Variants in SCAP observed in about 807,000 individuals in gnomAD.
The protein encoded by SCAP is SREBF chaperone.
SCAP carries 65 observed loss-of-function variants against 123.6 expected under a neutral mutation model. The observed-to-expected ratio is 0.53, with a 90% confidence interval of 0.43 to 0.65. The LOEUF is 0.65. Ranked by LOEUF, SCAP falls within the 30% of genes least tolerant of loss-of-function variation. The pLI, the probability that SCAP is intolerant of heterozygous loss-of-function variation, is 0.00. For synonymous variants in SCAP, 740 were observed against 726.3 expected, an observed-to-expected ratio of 1.02 and a Z score of -0.30; for missense variants, 1,398 against 1,712.5, an observed-to-expected ratio of 0.82 and a Z score of 3.24.
intron 3 of SCAP, among the ~76,000 whole-genome samples, chr3:47,432,668 T>A (rs1347680003): frequency 2.0e-5 from 3 of 152,152 alleles, no homozygotes; most frequent in African/African-American, 4.8e-5. Flanking sequence ...TTCCCTTTTT[T>A]AAAATTTATT....
At chr3:47,441,790 A>G (rs1470314165) in intron 2 of SCAP, among the ~76,000 whole-genome samples, 2 of 152,040 alleles carry the variant, frequency 1.3e-5, no homozygotes, top group Admixed American at 6.6e-5. Flanking sequence ...TGTTAAATGG[A>G]AACATAACTG....
intron 5 of SCAP, 73 bp downstream of exon 5, chr3:47,427,374 C>G (rs1706180391): frequency 6.4e-7 from 1 of 1,567,832 alleles, no homozygotes; most frequent in Non-Finnish European, 8.8e-7. Context: ...CCTGATCTGC[C>G]TAAGCACACA....
At chr3:47,454,296 G>A (rs1346384676) in intron 1 of SCAP, among the ~76,000 whole-genome samples, 1 of 151,606 alleles carries the variant, frequency 6.6e-6, no homozygotes, top group Non-Finnish European at 1.5e-5. Context: ...GAACCCCGGG[G>A]GACGGAGCCT....
chr3:47,426,088 G>A lies in SCAP; in HGVS notation c.819C>T (p.His273=), dbSNP rs757837801. 15 of 1,613,988 alleles carry A rather than the reference G, an allele frequency of 9.3e-6. No homozygotes were observed. Among genetic ancestry groups the A allele is most frequent in the South Asian group, 7.7e-5 (7 of 91,090 alleles). ...CACCAATCTCCTCCTTGAAGTGCAC[G>A]TGGACCAGGCTCTCCGCCCGAAGGC... ...NCSLRAESLV[H]VHFKEEIGVA... is the part of the protein sequence containing the mutation. The change falls in exon 7 of 23, where the codon CAC becomes CAT. Residue 273 remains histidine (H), a synonymous_variant. Transcript: ENST00000265565.
chr3:47,417,176 C>CA lies in SCAP; in HGVS notation c.3001dup (p.Cys1001LeufsTer30). The CA allele has an allele frequency of 6.2e-7, 1 of 1,613,068 alleles. No individual in the cohort carries two copies. Among genetic ancestry groups the CA allele is most frequent in the African/African-American group, 1.3e-5 (1 of 75,068 alleles). ...GCCTGAGGAGACCTCCTCGCTGCTG[C>CA]AGCACAGCACCCCTTCAATGGCGTC... On this transcript the variant is annotated frameshift_variant, in exon 18 of 23. Coordinates refer to ENST00000265565, the MANE Select transcript of SCAP (RefSeq NM_012235.4). LOFTEE classifies it high-confidence loss of function.
Position 47,417,661 on chromosome 3 carries a change from AGG to A in SCAP, c.2611_2612del (p.Pro871Ter). 1 of 1,609,104 alleles carries A rather than the reference AGG, an allele frequency of 6.2e-7. No individual in the cohort carries two copies. The highest frequency in any genetic ancestry group is 8.5e-7 in the Non-Finnish European group (1 of 1,178,680). On this transcript the variant is annotated frameshift_variant, in exon 17 of 23. Transcript: ENST00000265565. LOFTEE classifies it high-confidence loss of function. ...TGGTGTCAATTAAGCAGGTGAGGTCAGGCTGGTCCCCGAAGAGGGAAGGCGGC... is the reference window on the plus strand; with the variant it reads ...TGGTGTCAATTAAGCAGGTGAGGTCACTGGTCCCCGAAGAGGGAAGGCGGC... ...PPPPSLFGDQ[P>X]DLTCLIDTNF... is the part of the protein sequence containing the mutation.
chr3:47,454,688 C>T lies in SCAP; in HGVS notation c.-98-11597G>A, dbSNP rs150646187. ...GCTTGAACCCAGGAGGCAGAAGTTACAGTGAGCCAAGATTGTGCCACTGCA... is the reference window on the plus strand; with the variant it reads ...GCTTGAACCCAGGAGGCAGAAGTTATAGTGAGCCAAGATTGTGCCACTGCA... On this transcript the variant is annotated intron_variant, in intron 1 of 22. Coordinates refer to ENST00000265565, the MANE Select transcript of SCAP (RefSeq NM_012235.4). 6.5e-4 allele frequency among the ~76,000 whole-genome samples: 99 copies of T among 152,200 alleles called. No individual in the cohort carries two copies. In the East Asian group the frequency reaches 0.014, roughly 21 times the overall value.
intron 1 of SCAP, among the ~76,000 whole-genome samples, chr3:47,454,163 T>A (rs1049090791): frequency 6.6e-6 from 1 of 151,954 alleles, no homozygotes; most frequent in African/African-American, 2.4e-5. Flanking sequence ...GTCAGGAGAT[T>A]GAGACCATCC....
chr3:47,417,759 C>G lies in SCAP; in HGVS notation c.2515G>C (p.Asp839His), dbSNP rs1341551376. Residue 839 changes from aspartate to histidine, a missense_variant, in exon 17 of 23, where the codon GAT (aspartate) becomes CAT (histidine). Around this residue, in one of 7 missense-constraint regions of SCAP, gnomAD observed 828 missense variants for 882.5 expected, o/e 0.94. Transcript: ENST00000265565. ...TCCTCTGGACCAGCCTTCCCACCATCTGAAAGTCGTTCCCAGCTCTCCTGA... is the reference window on the plus strand; with the variant it reads ...TCCTCTGGACCAGCCTTCCCACCATGTGAAAGTCGTTCCCAGCTCTCCTGA... ...EAQESWERLS[D>H]GGKAGPEEPG... 1 of 1,605,250 alleles carries G rather than the reference C, an allele frequency of 6.2e-7. No homozygotes were observed. The highest frequency in any genetic ancestry group is 1.4e-5 in the African/African-American group (1 of 72,376).
chr3:47,466,146 A>AC (rs1435398969), intron 1 of SCAP, among the ~76,000 whole-genome samples: 1 of 151,450 alleles, frequency 6.6e-6, no homozygotes, highest in Non-Finnish European at 1.5e-5. Context: ...CAAAAAAAAA[A>AC]AAAAAAAAAA....
chr3:47,428,631 CA>C lies in SCAP; in HGVS notation c.291del (p.Phe97LeufsTer2). ...GAPVAYVQQI[F>X]VKSSVFPWHK... ...TGCCAGGGAAACACTGAGGACTTCA[CA>C]AATATCTGCTGGACATAAGCCACCG... On this transcript the variant is annotated frameshift_variant, in exon 4 of 23. Transcript: ENST00000265565. LOFTEE classifies it high-confidence loss of function. The C allele has an allele frequency of 6.2e-7, 1 of 1,614,120 alleles. No homozygotes were observed. The highest frequency in any genetic ancestry group is 8.5e-7 in the Non-Finnish European group (1 of 1,180,020).
At chr3:47,433,887 T>A (rs1201722748) in intron 3 of SCAP, among the ~76,000 whole-genome samples, 6 of 151,216 alleles carry the variant, frequency 4.0e-5, no homozygotes, top group South Asian at 2.1e-4. Context: ...AAAAAAAAAA[T>A]GGTTAATGAA....
chr3:47,435,173 T>C, intron 2 of SCAP, 36 bp from the exon 3 acceptor site: 6 of 1,585,040 alleles, frequency 3.8e-6, no homozygotes, highest in Admixed American at 1.7e-5. Context: ...AATTAGACAC[T>C]ATGAGAGGCA....
At chr3:47,427,765 A>G (rs1027882025) in intron 4 of SCAP, 98 bp from the exon 5 acceptor site, 1 of 1,070,352 alleles carries the variant, frequency 9.3e-7, no homozygotes, top group South Asian at 1.6e-5. Context: ...TCAATGCCCC[A>G]TATTTGCTCT....
At position 47,419,285 on chromosome 3, in the gene SCAP, T is replaced by G. The variant is rs770926191; in HGVS notation, c.1940+43A>C. ...GCATTGGGGAAAGGGGATGGTGAGT[T>G]GACACCATCGAGTGAGGTGGCACCT... On this transcript the variant is annotated intron_variant, in intron 13 of 22. Coordinates refer to ENST00000265565, the MANE Select transcript of SCAP (RefSeq NM_012235.4). This position sits in a 1 kb window ranked among gnomAD's most constrained non-coding sequence, Gnocchi z 5.0. 2 of 1,569,678 alleles carry G rather than the reference T, an allele frequency of 1.3e-6. No homozygotes were observed. The highest frequency in any genetic ancestry group is 8.7e-7 in the Non-Finnish European group (1 of 1,154,984).
chr3:47,427,791 A>T, intron 4 of SCAP, 124 bp from the exon 5 acceptor site: 1 of 804,408 alleles, frequency 1.2e-6, no homozygotes. Flanking sequence ...ATCGCCAAAG[A>T]GCCTGACCAC....
At chr3:47,438,201 T>C (rs1706660417) in intron 2 of SCAP, among the ~76,000 whole-genome samples, 1 of 152,220 alleles carries the variant, frequency 6.6e-6, no homozygotes, top group African/African-American at 2.4e-5. Context: ...GACAATACCA[T>C]GTTTTGAATA....
In SCAP at chr3:47,462,748, C is replaced by T. The variant is rs552289452; in HGVS notation, c.-99+13051G>A. ...AGACTGGGCAATAAGAGCGAAACTC[C>T]GTCTCAAAAAAAAAAAAAAAAAAAA... On this transcript the variant is annotated intron_variant, in intron 1 of 22. Coordinates refer to ENST00000265565, the MANE Select transcript of SCAP (RefSeq NM_012235.4). 3.2e-4 allele frequency among the ~76,000 whole-genome samples: 41 copies of T among 128,630 alleles called. No individual in the cohort carries two copies. In the Middle Eastern group the frequency reaches 0.016, roughly 49 times the overall value. 84.4% of individuals were successfully genotyped at this position (128,630 alleles called of 152,430 possible).
At chr3:47,473,086 A>AAAAAAAAAAAAAAAAAAAAAAAAAAC (rs1452211445) in intron 1 of SCAP, among the ~76,000 whole-genome samples, 1 of 143,964 alleles carries the variant, frequency 6.9e-6, no homozygotes, top group South Asian at 2.2e-4. Flanking sequence ...ATCTCAAAAA[A>AAAAAAAAAAAAAAAAAAAAAAAAAAC]AAAAAAAAAA....
Sources: allele counts gnomAD v4.1 joint callset (sites outside exome capture counted in the v4.1 genomes callset), GRCh38; gene constraint gnomAD v4.1.1; regional missense constraint gnomAD v4.1.1; non-coding constraint Gnocchi (gnomAD v3.1); transcripts MANE v1.5; gene names NCBI Gene and HGNC (gene_info 2026-07-23, HGNC 2026-07-21).